SLC26A7: variants seen among roughly 807,000 people sequenced by gnomAD.
The protein encoded by SLC26A7 is anion exchange transporter.
In SLC26A7, 59 loss-of-function variants were observed where a neutral mutation model predicts 82.5. The observed-to-expected ratio is 0.72, with a 90% CI of 0.58 to 0.89. The LOEUF is 0.89. SLC26A7 is among the 40% of genes least tolerant of loss of function. The pLI, the probability that SLC26A7 is intolerant of heterozygous loss-of-function variation, is 0.00. For synonymous variants in SLC26A7, 271 were observed against 274.3 expected (o/e 0.99, Z 0.12); for missense variants, 820 against 793.0 (o/e 1.03, Z -0.41).
At chr8:91,391,671 A>C (rs772654429) in intron 16 of SLC26A7, among the ~76,000 whole-genome samples, 2 of 152,120 alleles carry the variant, frequency 1.3e-5, no homozygotes, top group Non-Finnish European at 2.9e-5. Flanking sequence ...TGTGTGTTTA[A>C]GGCTCTTCTG....
At chr8:91,249,465 A>G in intron 1 of SLC26A7, 52 bp downstream of exon 1, 1 of 410,928 alleles carries the variant, frequency 2.4e-6, no homozygotes, top group Non-Finnish European at 4.3e-6. Flanking sequence ...TCATAAAAAG[A>G]CAGCTGCATA....
At chr8:91,241,717 ATT>A (rs1252664579) in intron 2 of SLC26A7, among the ~76,000 whole-genome samples, 1 of 152,176 alleles carries the variant, frequency 6.6e-6, no homozygotes, top group Non-Finnish European at 1.5e-5. Flanking sequence ...CTTGAAAAAC[ATT>A]CTTTGTTGCA....
chr8:91,388,048 T>G (rs1814844802), intron 15 of SLC26A7, among the ~76,000 whole-genome samples: 1 of 152,364 alleles, frequency 6.6e-6, no homozygotes, highest in Non-Finnish European at 1.5e-5. Context: ...TTGTAGCATT[T>G]CTCCTTTTCC....
chr8:91,254,322 C>T (rs1810742335), intron 2 of SLC26A7, among the ~76,000 whole-genome samples: 1 of 152,124 alleles, frequency 6.6e-6, no homozygotes, highest in African/African-American at 2.4e-5. Flanking sequence ...TTCACTGCCA[C>T]TCTTCCTGCT....
At chr8:91,284,702 A>G (rs1227612474) in intron 2 of SLC26A7, among the ~76,000 whole-genome samples, 1 of 152,242 alleles carries the variant, frequency 6.6e-6, no homozygotes, top group Non-Finnish European at 1.5e-5. Context: ...TCCTTAAAAG[A>G]CTATCTTTAC....
intron 2 of SLC26A7, among the ~76,000 whole-genome samples, chr8:91,222,531 A>G (rs1014145522): frequency 8.5e-5 from 13 of 152,174 alleles, no homozygotes; most frequent in Admixed American, 7.2e-4. Flanking sequence ...GATATGTTCC[A>G]TCAATACCTA....
At chr8:91,257,874 A>T (rs2130709894) in intron 2 of SLC26A7, among the ~76,000 whole-genome samples, 1 of 152,192 alleles carries the variant, frequency 6.6e-6, no homozygotes, top group Non-Finnish European at 1.5e-5. Context: ...TTTAGAAAAG[A>T]GGTTTGATTG....
rs140132278 is a variant in SLC26A7, at chr8:91,391,062, G to A, written c.1776+1624G>A. Among the ~76,000 whole-genome samples the A allele has an allele frequency of 6.4e-3, 967 of 152,266 alleles. 7 individuals carry two copies. Among genetic ancestry groups the A allele is most frequent in the South Asian group, 0.031 (149 of 4,816 alleles). ...ATCCTTGAAAAGGTCTCATGTTGTGGACTGGGATTGTTTTCTTGTGGTGTA... is the reference window on the plus strand; with the variant it reads ...ATCCTTGAAAAGGTCTCATGTTGTGAACTGGGATTGTTTTCTTGTGGTGTA... On this transcript the variant is annotated intron_variant, in intron 16 of 18. Transcript: ENST00000276609.
intron 2 of SLC26A7, among the ~76,000 whole-genome samples, chr8:91,240,678 T>G (rs1020245560): frequency 6.6e-6 from 1 of 152,172 alleles, no homozygotes; most frequent in Non-Finnish European, 1.5e-5. Context: ...GTGTTGTTTG[T>G]GAACAAGTCA....
chr8:91,379,481 G>C (rs1268390174), intron 15 of SLC26A7, among the ~76,000 whole-genome samples: 1 of 152,074 alleles, frequency 6.6e-6, no homozygotes, highest in Admixed American at 6.6e-5. Flanking sequence ...CAATATGACA[G>C]AGTAGAGAGT....
chr8:91,328,672 A>G (rs564766488), intron 5 of SLC26A7, among the ~76,000 whole-genome samples: 12 of 152,140 alleles, frequency 7.9e-5, no homozygotes, highest in Non-Finnish European at 1.8e-4. Context: ...ACCATTCTAG[A>G]AGTTGAGAAT....
At chr8:91,261,478 G>C (rs1248322767) in intron 2 of SLC26A7, among the ~76,000 whole-genome samples, 1 of 151,992 alleles carries the variant, frequency 6.6e-6, no homozygotes, top group Non-Finnish European at 1.5e-5. Flanking sequence ...GTATAACCCA[G>C]GGAGTCGCCA....
At chr8:91,242,197 A>G (rs1212175121) in intron 2 of SLC26A7, among the ~76,000 whole-genome samples, 2 of 152,204 alleles carry the variant, frequency 1.3e-5, no homozygotes, top group African/African-American at 2.4e-5. Context: ...ATCTTTTAAT[A>G]GAAGTACTAT....
chr8:91,213,237 C>T (rs1003349375), intron 1 of SLC26A7, among the ~76,000 whole-genome samples: 4 of 152,022 alleles, frequency 2.6e-5, no homozygotes, highest in Non-Finnish European at 4.4e-5. Context: ...TTTTCTTTGT[C>T]GTTTCTGTTC....
At chr8:91,279,125 G>GTATGTATATA in intron 2 of SLC26A7, among the ~76,000 whole-genome samples, 1 of 111,294 alleles carries the variant, frequency 9.0e-6, no homozygotes, top group East Asian at 3.3e-4. Flanking sequence ...GTGTGTGTGT[G>GTATGTATATA]TATATATATA....
At chr8:91,249,994 G>C (rs1391677242) in intron 2 of SLC26A7, 150 bp downstream of exon 2, 3 of 574,810 alleles carry the variant, frequency 5.2e-6, no homozygotes, top group African/African-American at 1.9e-5. Context: ...ATTTGGAGAA[G>C]AGTTTTCCTA....
At chr8:91,310,009 A>G (rs1812433185) in intron 4 of SLC26A7, among the ~76,000 whole-genome samples, 1 of 151,698 alleles carries the variant, frequency 6.6e-6, no homozygotes, top group Non-Finnish European at 1.5e-5. Context: ...CACTTGCTCA[A>G]CTCTTAAGAT....
At chr8:91,292,043 C>T (rs1811884283) in intron 3 of SLC26A7, among the ~76,000 whole-genome samples, 1 of 152,142 alleles carries the variant, frequency 6.6e-6, no homozygotes, top group Admixed American at 6.6e-5. Context: ...CGGTGGCTCA[C>T]ACCTGTAGTC....
At chr8:91,213,152 G>A (rs1007634840) in intron 1 of SLC26A7, among the ~76,000 whole-genome samples, 1 of 152,130 alleles carries the variant, frequency 6.6e-6, no homozygotes, top group Non-Finnish European at 1.5e-5. Context: ...TGCAGGGGGT[G>A]CTGTGGGAGA....
Sources: gnomAD v4.1 joint callset for allele counts (sites outside exome capture counted in the v4.1 genomes callset) on GRCh38, gnomAD v4.1.1 for gene constraint, MANE v1.5 for transcripts, NCBI Gene and HGNC (gene_info 2026-07-23, HGNC 2026-07-21) for gene names.